The following RBPJ variants were observed in gnomAD, a reference collection of about 807,000 sequenced individuals.
RBPJ encodes recombining binding protein suppressor of hairless.
Under a neutral mutation model 67.8 loss-of-function variants are expected in RBPJ, and 9 were observed. That is an observed-to-expected ratio of 0.13 (90% confidence interval 0.08 to 0.23). The LOEUF (loss-of-function observed/expected upper bound fraction) is 0.23. Among genes scored for constraint, RBPJ ranks in the 10% least tolerant of loss-of-function variants. The pLI, the probability that RBPJ is intolerant of heterozygous loss-of-function variation, is 1.00. For missense variants in RBPJ, 305 were observed against 595.6 expected (o/e 0.51, Z 5.08); for synonymous variants, 198 against 203.3 (o/e 0.97, Z 0.22).
At chr4:26,232,648 C>T (rs978814461) in intron 1 of RBPJ, among the ~76,000 whole-genome samples, 5 of 152,276 alleles carry the variant, frequency 3.3e-5, no homozygotes, top group African/African-American at 1.2e-4. Flanking sequence ...TTCTCTATAA[C>T]AACAACAACG....
chr4:26,350,918 C>T (rs1012557546), intron 1 of RBPJ, among the ~76,000 whole-genome samples: 6 of 152,144 alleles, frequency 3.9e-5, no homozygotes, highest in African/African-American at 1.2e-4. Flanking sequence ...TAAAACAAAT[C>T]TCAGGTTAGC....
the RBPJ span, among the ~76,000 whole-genome samples, chr4:26,138,650 G>A: frequency 6.6e-6 from 1 of 152,156 alleles, no homozygotes; most frequent in African/African-American, 2.4e-5. Context: ...TGTTTAGAAT[G>A]AGCCCCAAAG....
chr4:26,396,494 T>A (rs1401270908), intron 2 of RBPJ, among the ~76,000 whole-genome samples: 1 of 152,256 alleles, frequency 6.6e-6, no homozygotes, highest in African/African-American at 2.4e-5. Context: ...CTCATACTAT[T>A]TTATGTTCTC....
the RBPJ span, among the ~76,000 whole-genome samples, chr4:26,105,524 T>A: frequency 6.6e-6 from 1 of 152,158 alleles, no homozygotes; most frequent in African/African-American, 2.4e-5. Context: ...ACCAAAACTT[T>A]GGAGGCTTAT....
At chr4:26,154,481 C>T in the RBPJ span, among the ~76,000 whole-genome samples, 3 of 152,308 alleles carry the variant, frequency 2.0e-5, no homozygotes, top group Non-Finnish European at 4.4e-5. Context: ...TTGCCCTTTG[C>T]TCCTAACCTC....
At chr4:26,141,366 C>G in the RBPJ span, among the ~76,000 whole-genome samples, 2 of 152,208 alleles carry the variant, frequency 1.3e-5, no homozygotes, top group Admixed American at 1.3e-4. Flanking sequence ...CTTCCTACCC[C>G]ACTCCTGCGG....
chr4:26,420,406 TAGTTGATAATTTTTAG>T (rs1189068945), intron 4 of RBPJ, 129 bp from the exon 5 acceptor site: 3 of 516,162 alleles, frequency 5.8e-6, no homozygotes, highest in Non-Finnish European at 6.8e-6. Context: ...GTAATTTTTA[TAGTTGATAATTTTTAG>T]AGTTGGTTTT....
chr4:26,190,265 CA>C (rs1717430623), intron 1 of RBPJ, among the ~76,000 whole-genome samples: 1 of 152,194 alleles, frequency 6.6e-6, no homozygotes, highest in African/African-American at 2.4e-5. Flanking sequence ...TTCCATTCTA[CA>C]ATTGATCTTG....
At chr4:26,213,204 A>G (rs1298107685) in intron 1 of RBPJ, among the ~76,000 whole-genome samples, 1 of 152,176 alleles carries the variant, frequency 6.6e-6, no homozygotes, top group Non-Finnish European at 1.5e-5. Context: ...TCCTGAAATG[A>G]CAGGACACCT....
At chr4:26,117,235 C>T in the RBPJ span, among the ~76,000 whole-genome samples, 1 of 152,038 alleles carries the variant, frequency 6.6e-6, no homozygotes, top group African/African-American at 2.4e-5. Context: ...ATGCGGCTAC[C>T]CCCGCTCCCC....
intron 1 of RBPJ, among the ~76,000 whole-genome samples, chr4:26,372,416 CTT>C (rs1196484062): frequency 6.6e-6 from 1 of 152,182 alleles, no homozygotes; most frequent in Non-Finnish European, 1.5e-5. Flanking sequence ...AAACTAGTCT[CTT>C]GTTTCTTAAT....
At chr4:26,191,230 GAGAGAGAGAGAT>G (rs1483952765) in intron 1 of RBPJ, among the ~76,000 whole-genome samples, 58 of 123,656 alleles carry the variant, frequency 4.7e-4, no homozygotes, top group South Asian at 2.8e-3. Flanking sequence ...GAGAGAGAGA[GAGAGAGAGAGAT>G]AGAGAGAGAG....
intron 4 of RBPJ, among the ~76,000 whole-genome samples, chr4:26,416,474 T>C (rs1324236394): frequency 6.6e-6 from 1 of 152,126 alleles, no homozygotes; most frequent in African/African-American, 2.4e-5. Context: ...AAGCAATCCA[T>C]CCACCTCAGC....
At chr4:26,422,740 C>G (rs1254875190) in intron 5 of RBPJ, among the ~76,000 whole-genome samples, 2 of 152,086 alleles carry the variant, frequency 1.3e-5, no homozygotes, top group East Asian at 1.9e-4. Flanking sequence ...TACAGTGAAA[C>G]CTCTTATGTT....
At chr4:26,217,972 G>A (rs1718772742) in intron 1 of RBPJ, among the ~76,000 whole-genome samples, 1 of 152,136 alleles carries the variant, frequency 6.6e-6, no homozygotes, top group Admixed American at 6.5e-5. Context: ...GAAAGAGAGA[G>A]GAAAAACAAA....
intron 5 of RBPJ, among the ~76,000 whole-genome samples, chr4:26,422,585 A>C (rs1735254335): frequency 6.6e-6 from 1 of 152,052 alleles, no homozygotes; most frequent in Non-Finnish European, 1.5e-5. Flanking sequence ...ATTTTGTTTT[A>C]TTATGAGATC....
chr4:26,178,607 CAAAAAAAAAAA>C lies in RBPJ; in HGVS notation c.-167+15005_-167+15015del, dbSNP rs1173498137. ...TGGGTGACAGAGCAAGACCCCGTATCAAAAAAAAAAAAAAAAAAAAAAGAAGTCCCAGACCC... is the reference window on the plus strand; with the variant it reads ...TGGGTGACAGAGCAAGACCCCGTATCAAAAAAAAAAAGAAGTCCCAGACCC... On this transcript the variant is annotated intron_variant, in intron 1 of 4. Coordinates refer to the RBPJ transcript ENST00000512351. Among the ~76,000 whole-genome samples the C allele has an allele frequency of 1.0e-4, 6 of 58,732 alleles. No individual in the cohort carries two copies. In the South Asian group the frequency reaches 2.7e-3, roughly 26 times the overall value. 38.5% of individuals were successfully genotyped at this position (58,732 alleles called of 152,430 possible). A position where few individuals can be genotyped will look rare whatever the true frequency, so the allele number is the denominator to read the frequency against.
chr4:26,244,290 T>C (rs1719796879), intron 1 of RBPJ, among the ~76,000 whole-genome samples: 1 of 105,170 alleles, frequency 9.5e-6, no homozygotes, highest in Non-Finnish European at 2.1e-5. Context: ...TGTATATGTA[T>C]ACACATATGT....
At chr4:26,247,903 T>C (rs1719980660) in intron 1 of RBPJ, among the ~76,000 whole-genome samples, 1 of 152,068 alleles carries the variant, frequency 6.6e-6, no homozygotes, top group Non-Finnish European at 1.5e-5. Flanking sequence ...GATCACTATT[T>C]GGGTGATGGA....
Sources: allele counts gnomAD v4.1 joint callset (sites outside exome capture counted in the v4.1 genomes callset), GRCh38; gene constraint gnomAD v4.1.1; transcripts MANE v1.5; gene names NCBI Gene and HGNC (gene_info 2026-07-23, HGNC 2026-07-21).